CDC42BPA: variants seen among roughly 807,000 people sequenced by gnomAD.
CDC42BPA encodes serine/threonine-protein kinase MRCK alpha.
In CDC42BPA, 80 loss-of-function variants were observed where a neutral mutation model predicts 223.5. That is an observed-to-expected ratio of 0.36 (90% confidence interval 0.30 to 0.43). The LOEUF (loss-of-function observed/expected upper bound fraction) is 0.43, where lower values mean the gene tolerates loss of function less well. Among genes scored for constraint, CDC42BPA ranks in the 20% least tolerant of loss-of-function variants. CDC42BPA has a pLI of 1.00. For synonymous variants in CDC42BPA, 694 were observed against 718.6 expected, an observed-to-expected ratio of 0.97 and a Z score of 0.55; for missense variants, 1,743 against 2,099.9, an observed-to-expected ratio of 0.83 and a Z score of 3.32.
chr1:227,058,174 A>G (rs1052820233), intron 21 of CDC42BPA, among the ~76,000 whole-genome samples: 2 of 152,260 alleles, frequency 1.3e-5, no homozygotes, highest in Non-Finnish European at 1.5e-5. Flanking sequence ...CATAAACACA[A>G]TAATTAATGA....
At position 227,009,720 on chromosome 1, in the gene CDC42BPA, G is replaced by A. The variant is rs1052923724; in HGVS notation, c.4858-4609C>T. Among the ~76,000 whole-genome samples, 20 of 152,142 alleles carry A rather than the reference G, an allele frequency of 1.3e-4. No individual in the cohort carries two copies. The South Asian group carries it at 4.1e-3, about 32-fold the overall frequency. ...TATGAGCCATCATGCCCAGTGAAAAGTTCCTGATTAACATATACAAAATTC... is the reference window on the plus strand; with the variant it reads ...TATGAGCCATCATGCCCAGTGAAAAATTCCTGATTAACATATACAAAATTC... On this transcript the variant is annotated intron_variant, in intron 34 of 36. Coordinates refer to ENST00000366766, the MANE Select transcript of CDC42BPA (RefSeq NM_001394014.1).
At chr1:227,272,658 G>C (rs1686150811) in intron 1 of CDC42BPA, among the ~76,000 whole-genome samples, 1 of 152,188 alleles carries the variant, frequency 6.6e-6, no homozygotes, top group African/African-American at 2.4e-5. Context: ...CTGGTCTCAA[G>C]TGACCCTCTG....
intron 8 of CDC42BPA, among the ~76,000 whole-genome samples, chr1:227,143,675 T>C (rs538138564): frequency 6.6e-6 from 1 of 152,256 alleles, no homozygotes; most frequent in Admixed American, 6.5e-5. Context: ...GTGCTGCTGG[T>C]GGTGAGTTCA....
intron 5 of CDC42BPA, among the ~76,000 whole-genome samples, chr1:227,170,583 T>C (rs187569696): frequency 2.2e-3 from 336 of 152,314 alleles, no homozygotes; most frequent in Non-Finnish European, 3.9e-3. Context: ...TGTCAACAGA[T>C]AGCTCCCCAC....
At chr1:227,291,267 G>A (rs537928624) in intron 1 of CDC42BPA, among the ~76,000 whole-genome samples, 1 of 152,238 alleles carries the variant, frequency 6.6e-6, no homozygotes, top group Non-Finnish European at 1.5e-5. Flanking sequence ...AAGAAGTCTA[G>A]GCTGGGCGCG....
chr1:227,046,475 T>C (rs1448520637), intron 23 of CDC42BPA, among the ~76,000 whole-genome samples: 1 of 151,962 alleles, frequency 6.6e-6, no homozygotes, highest in African/African-American at 2.4e-5. Context: ...TATTTGTGGT[T>C]TTGCACTTCT....
intron 35 of CDC42BPA, among the ~76,000 whole-genome samples, chr1:226,999,821 C>G (rs564468956): frequency 2.0e-5 from 3 of 151,902 alleles, no homozygotes; most frequent in African/African-American, 7.2e-5. Context: ...AAGCTGGAAA[C>G]AATCATTCTC....
At chr1:227,188,433 T>A (rs1669191224) in intron 5 of CDC42BPA, among the ~76,000 whole-genome samples, 2 of 151,012 alleles carry the variant, frequency 1.3e-5, no homozygotes, top group African/African-American at 4.9e-5. Flanking sequence ...AAAGCAATCA[T>A]ATAAAATGCA....
chr1:227,196,489 A>ACCAC (rs1215751584), intron 4 of CDC42BPA, among the ~76,000 whole-genome samples: 1 of 151,058 alleles, frequency 6.6e-6, no homozygotes, highest in Non-Finnish European at 1.5e-5. Flanking sequence ...ACAGGCGCCC[A>ACCAC]CCACCACACC....
intron 5 of CDC42BPA, among the ~76,000 whole-genome samples, chr1:227,180,862 T>C (rs1051447406): frequency 3.9e-5 from 6 of 152,150 alleles, no homozygotes; most frequent in Non-Finnish European, 8.8e-5. Flanking sequence ...ACAATCTAAA[T>C]AGCAAGTCTA....
chr1:227,239,320 T>A (rs1679627242), intron 2 of CDC42BPA, among the ~76,000 whole-genome samples: 1 of 152,184 alleles, frequency 6.6e-6, no homozygotes, highest in African/African-American at 2.4e-5. Context: ...CAGTGGAAAC[T>A]ACTCTGTTTG....
At chr1:227,075,508 C>CAAAAAG (rs1273500143) in intron 17 of CDC42BPA, among the ~76,000 whole-genome samples, 1 of 152,068 alleles carries the variant, frequency 6.6e-6, no homozygotes, top group African/African-American at 2.4e-5. Context: ...GCAATAAAAC[C>CAAAAAG]ATGGTAAGGG....
chr1:227,306,138 G>GT (rs56027762), intron 1 of CDC42BPA, among the ~76,000 whole-genome samples: 21,489 of 135,122 alleles, frequency 0.16, 1,727 homozygotes, highest in Middle Eastern at 0.18. Flanking sequence ...GTTCTAAGTG[G>GT]TTTTTTTTTT....
chr1:227,061,289 C>G (rs1390461738), intron 21 of CDC42BPA, among the ~76,000 whole-genome samples: 1 of 152,180 alleles, frequency 6.6e-6, no homozygotes, highest in Non-Finnish European at 1.5e-5. Flanking sequence ...TCATCTATCT[C>G]CCTTCTTCCT....
At chr1:227,255,087 A>C (rs908847155) in intron 1 of CDC42BPA, among the ~76,000 whole-genome samples, 1 of 152,258 alleles carries the variant, frequency 6.6e-6, no homozygotes, top group African/African-American at 2.4e-5. Flanking sequence ...TTTAACTGGT[A>C]AATTAAAAAT....
chr1:227,139,564 A>C lies in CDC42BPA; in HGVS notation c.1390+12T>G, dbSNP rs773161589. 6.7e-7 allele frequency: 1 copy of C among 1,493,588 alleles called. No individual in the cohort carries two copies. The highest frequency in any genetic ancestry group is 1.3e-5 in the South Asian group (1 of 77,054). 92.5% of individuals were successfully genotyped at this position (1,493,588 alleles called of 1,614,324 possible). A position where few individuals can be genotyped will look rare whatever the true frequency, so the allele number is the denominator to read the frequency against. On this transcript the variant is annotated intron_variant, in intron 10 of 36. Coordinates refer to ENST00000366766, the MANE Select transcript of CDC42BPA (RefSeq NM_001394014.1). The stretch of plus-strand genomic sequence containing the variant: ...AATTCAAAAAGTGAAAATATATTTA[A>C]AATATATTTACCTTGAAGTTTTCTA...
intron 21 of CDC42BPA, chr1:227,059,484 T>A: frequency 7.7e-7 from 1 of 1,297,262 alleles, no homozygotes; most frequent in Non-Finnish European, 1.1e-6. Context: ...ACTACTATTG[T>A]ATTAACAGAC....
intron 2 of CDC42BPA, among the ~76,000 whole-genome samples, chr1:227,238,216 G>A (rs533263490): frequency 1.1e-4 from 17 of 150,568 alleles, no homozygotes; most frequent in Middle Eastern, 3.4e-3. Context: ...TTAATTAGCC[G>A]GACATGGTGG....
intron 14 of CDC42BPA, among the ~76,000 whole-genome samples, chr1:227,111,705 A>G (rs1686959603): frequency 6.6e-6 from 1 of 151,960 alleles, no homozygotes; most frequent in Non-Finnish European, 1.5e-5. Flanking sequence ...CTGGTCTCGA[A>G]CTCCTGACCT....
Sources: allele counts gnomAD v4.1 joint callset (sites outside exome capture counted in the v4.1 genomes callset), GRCh38; gene constraint gnomAD v4.1.1; transcripts MANE v1.5; gene names NCBI Gene and HGNC (gene_info 2026-07-23, HGNC 2026-07-21).